CEP72: variants seen among roughly 807,000 people sequenced by gnomAD.
CEP72 encodes centrosomal protein of 72 kDa.
CEP72 carries 78 observed loss-of-function variants against 65.7 expected under a neutral mutation model. That is an observed-to-expected ratio of 1.19 (90% CI 0.99 to 1.43). The LOEUF (loss-of-function observed/expected upper bound fraction) is 1.43. Among genes scored for constraint, CEP72 ranks in the 40% most tolerant of loss-of-function variants. CEP72 has a pLI of 0.00. For missense variants in CEP72, 914 were observed against 832.9 expected (o/e 1.10, Z -1.20); for synonymous variants, 358 against 351.7 (o/e 1.02, Z -0.20).
At chr5:631,629 C>T (rs1295056376) in intron 4 of CEP72, among the ~76,000 whole-genome samples, 2 of 44,332 alleles carry the variant, frequency 4.5e-5, no homozygotes, top group African/African-American at 1.5e-4. Context: ...GGGGTTCTGT[C>T]CAGTGCCGGG....
intron 1 of CEP72, among the ~76,000 whole-genome samples, chr5:614,612 C>T (rs1031683696): frequency 1.3e-5 from 2 of 152,014 alleles, no homozygotes; most frequent in Admixed American, 6.6e-5. Context: ...CCGCCCACCT[C>T]GGCCTCCCAA....
chr5:648,054 A>G (rs897650148), intron 11 of CEP72, 138 bp downstream of exon 11: 1 of 614,758 alleles, frequency 1.6e-6, no homozygotes, highest in South Asian at 2.0e-5. Flanking sequence ...ATCCAGGACC[A>G]CTGCTGATTT....
chr5:627,958 T>C (rs1165478988), intron 4 of CEP72, among the ~76,000 whole-genome samples: 1 of 152,202 alleles, frequency 6.6e-6, no homozygotes, highest in Non-Finnish European at 1.5e-5. Flanking sequence ...GGATGCACTT[T>C]CCTGCTTTCT....
At position 637,609 on chromosome 5, in the gene CEP72, A is replaced by G; in HGVS notation, c.997A>G (p.Arg333Gly). 1 of 1,614,088 alleles carries G rather than the reference A, an allele frequency of 6.2e-7. No individual in the cohort carries two copies. The highest frequency in any genetic ancestry group is 8.5e-7 in the Non-Finnish European group (1 of 1,180,046). ...TCCCCTGCCAGCCCCCGGAAAGTGC[A>G]GGAAGCGAAGAATGCCTGTTGGAAG... is the stretch of plus-strand genomic sequence containing the variant. Reference protein sequence around the residue: ...PGPLPAPGKCRKRRMPVGRFQ... With the variant: ...PGPLPAPGKCGKRRMPVGRFQ... Residue 333 changes from arginine to glycine, a missense_variant, in exon 7 of 12, where the codon AGG becomes GGG. Transcript: ENST00000264935.
At chr5:638,772 T>C (rs1409854069) in intron 7 of CEP72, among the ~76,000 whole-genome samples, 1 of 152,180 alleles carries the variant, frequency 6.6e-6, no homozygotes, top group Admixed American at 6.5e-5. Context: ...ACACAGGCTC[T>C]GACTGCGGCC....
chr5:626,280 G>T (rs1736753658), intron 4 of CEP72, among the ~76,000 whole-genome samples: 1 of 151,988 alleles, frequency 6.6e-6, no homozygotes, highest in African/African-American at 2.4e-5. Context: ...GGGAAGTCTG[G>T]TGAGAGGGAG....
chr5:622,636 G>A (rs16900932), intron 3 of CEP72, among the ~76,000 whole-genome samples: 10,324 of 152,326 alleles, frequency 0.068, 433 homozygotes, highest in South Asian at 0.19. Flanking sequence ...GCTCTTGGCA[G>A]CGAGGAGCGC....
chr5:657,411 C>T (rs537249837), downstream of CEP72, among the ~76,000 whole-genome samples: 8 of 152,286 alleles, frequency 5.3e-5, no homozygotes, highest in African/African-American at 1.7e-4. Flanking sequence ...TGAAAGGATT[C>T]GCATCTTTAC....
chr5:644,458 A>C (rs746638309), intron 10 of CEP72, 33 bp downstream of exon 10: 34 of 1,609,434 alleles, frequency 2.1e-5, no homozygotes, highest in Non-Finnish European at 2.9e-5. Context: ...CACTTTGTAA[A>C]CTTTAGGTGT....
intron 1 of CEP72, among the ~76,000 whole-genome samples, chr5:613,882 T>C (rs1056484993): frequency 2.6e-5 from 4 of 152,220 alleles, no homozygotes; most frequent in African/African-American, 9.6e-5. Context: ...TCCAGGTTAT[T>C]ATCTGTAGAG....
intron 3 of CEP72, chr5:665,938 CAG>C: frequency 2.1e-5 from 29 of 1,366,336 alleles, no homozygotes; most frequent in Admixed American, 4.4e-5. Flanking sequence ...CCACCCCCTC[CAG>C]GCCCCGCCTT....
chr5:670,222 C>T (rs1383439774), downstream of CEP72, among the ~76,000 whole-genome samples: 1 of 152,120 alleles, frequency 6.6e-6, no homozygotes, highest in East Asian at 1.9e-4. Flanking sequence ...CCCCGCTGGG[C>T]TCGGGACTGT....
intron 9 of CEP72, chr5:643,068 AT>A: frequency 1.0e-6 from 1 of 983,976 alleles, no homozygotes; most frequent in Non-Finnish European, 1.2e-6. Context: ...AAAATAAAAA[AT>A]TAGGTGTGGT....
Position 637,508 on chromosome 5 carries a change from A to G in CEP72, c.905-9A>G, listed in dbSNP as rs373872762. The G allele has an allele frequency of 2.4e-5, 38 of 1,608,890 alleles. 1 individual carries two copies. The African/African-American group carries it at 4.0e-4, about 17-fold the overall frequency. On this transcript the variant is annotated splice_polypyrimidine_tract_variant and intron_variant, in intron 6 of 11. Coordinates refer to ENST00000264935, the MANE Select transcript of CEP72 (RefSeq NM_018140.4). ...GCCTGACGTGCGCCCCATCCTCTCT[A>G]TATCTCAGACTCCATGGATACCGAG...
Position 624,422 on chromosome 5 carries a change from C to A in CEP72, c.404-49C>A. 7.1e-7 allele frequency: 1 copy of A among 1,413,566 alleles called. No homozygotes were observed. Among genetic ancestry groups the A allele is most frequent in the Non-Finnish European group, 1.0e-6 (1 of 1,000,214 alleles). The allele number at this position is 1,413,566 out of a possible 1,614,324, so 87.6% of individuals were successfully genotyped here. The stretch of plus-strand genomic sequence containing the variant: ...TGTAGATGCCCCAGGGTGGATGCAG[C>A]CGCCCGCCGCTTGCCACCTGCACAG... On this transcript the variant is annotated intron_variant, in intron 3 of 11. Coordinates refer to ENST00000264935, the MANE Select transcript of CEP72 (RefSeq NM_018140.4). The surrounding 1 kb of genome is among the most constrained non-coding windows in gnomAD (Gnocchi z 4.7).
intron 4 of CEP72, chr5:666,775 G>A (rs903882769): frequency 6.6e-6 from 1 of 152,232 alleles, no homozygotes; most frequent in Admixed American, 6.5e-5. Context: ...CCCACCACAG[G>A]CCATTCAGGC....
At position 633,646 on chromosome 5, in the gene CEP72, C is replaced by T. The variant is rs1227335473; in HGVS notation, c.513-123C>T. On this transcript the variant is annotated intron_variant, in intron 4 of 11. Transcript: ENST00000264935. ...CAGTGGAAGCAACAGGACCCGGCTG[C>T]CCCACGTTTGCAGCACGCTGCTTCT... The T allele has an allele frequency of 1.0e-5, 9 of 893,002 alleles. No homozygotes were observed. The African/African-American group carries it at 1.2e-4, about 12-fold the overall frequency. 55.3% of individuals were successfully genotyped at this position (893,002 alleles called of 1,614,324 possible). A position where few individuals can be genotyped will look rare whatever the true frequency, so the allele number is the denominator to read the frequency against.
At chr5:652,042 A>T (rs1739141494) in intron 11 of CEP72, among the ~76,000 whole-genome samples, 1 of 152,172 alleles carries the variant, frequency 6.6e-6, no homozygotes, top group African/African-American at 2.4e-5. Flanking sequence ...AGACTGGGCC[A>T]AGAGGAGATG....
At chr5:663,154 G>A (rs1467152487) in intron 1 of CEP72, 1 of 129,306 alleles carries the variant, frequency 7.7e-6, no homozygotes, top group African/African-American at 2.5e-5. Context: ...GTCTGTGATC[G>A]GGTGAGTCCG....
Sources: allele counts gnomAD v4.1 joint callset (sites outside exome capture counted in the v4.1 genomes callset), GRCh38; gene constraint gnomAD v4.1.1; non-coding constraint Gnocchi (gnomAD v3.1); transcripts MANE v1.5; gene names NCBI Gene and HGNC (gene_info 2026-07-23, HGNC 2026-07-21).